The following AGAP1 variants were observed in gnomAD, a reference collection of about 807,000 sequenced individuals.
The protein encoded by AGAP1 is arf-GAP with GTPase, ANK repeat and PH domain-containing protein 1.
A neutral mutation model predicts 105.3 loss-of-function variants in AGAP1; 29 were observed. The observed-to-expected ratio is 0.28, with a 90% CI of 0.21 to 0.38. The LOEUF is 0.38. Ranked by LOEUF, AGAP1 falls within the 10% of genes least tolerant of loss-of-function variation. AGAP1 has a pLI of 1.00. For synonymous variants in AGAP1, 509 were observed against 485.9 expected, an observed-to-expected ratio of 1.05 and a Z score of -0.63; for missense variants, 998 against 1,165.1, an observed-to-expected ratio of 0.86 and a Z score of 2.09.
At position 235,882,898 on chromosome 2, in the gene AGAP1, A is replaced by C. The variant is rs1461026477; in HGVS notation, c.1051-447A>C. 6.6e-6 allele frequency among the ~76,000 whole-genome samples: 1 copy of C among 151,736 alleles called. No homozygotes were observed. The highest frequency in any genetic ancestry group is 2.4e-5 in the African/African-American group (1 of 41,302). ...TACAATCATAGCTCACTGCCACCTCAACCTCCTGGGCTCAAGAGATCCTCC... is the reference window on the plus strand; with the variant it reads ...TACAATCATAGCTCACTGCCACCTCCACCTCCTGGGCTCAAGAGATCCTCC... On this transcript the variant is annotated intron_variant, in intron 9 of 17. Coordinates refer to ENST00000304032, the MANE Select transcript of AGAP1 (RefSeq NM_001037131.3). This position sits in a 1 kb window ranked among gnomAD's most constrained non-coding sequence, Gnocchi z 4.6.
At chr2:235,541,717 T>C (rs959519011) in intron 1 of AGAP1, among the ~76,000 whole-genome samples, 4 of 152,160 alleles carry the variant, frequency 2.6e-5, no homozygotes, top group Non-Finnish European at 2.9e-5. Flanking sequence ...ACTTAACATA[T>C]TTGTATCTAT....
At chr2:235,828,621 AG>A (rs1185041589) in intron 9 of AGAP1, among the ~76,000 whole-genome samples, 1 of 152,190 alleles carries the variant, frequency 6.6e-6, no homozygotes, top group Non-Finnish European at 1.5e-5. Flanking sequence ...AGGGTAGTCC[AG>A]GGTAGAATTT....
intron 1 of AGAP1, among the ~76,000 whole-genome samples, chr2:235,629,836 C>T (rs1425826507): frequency 5.0e-5 from 7 of 139,866 alleles, no homozygotes; most frequent in Non-Finnish European, 1.1e-4. Flanking sequence ...TGCACTCCAG[C>T]CTGGGTGACT....
chr2:236,052,024 C>T (rs1175839481), intron 16 of AGAP1, among the ~76,000 whole-genome samples: 1 of 152,140 alleles, frequency 6.6e-6, no homozygotes, highest in Non-Finnish European at 1.5e-5. Context: ...TTCGAAGCCA[C>T]CCCCGCTCCC....
intron 6 of AGAP1, among the ~76,000 whole-genome samples, chr2:235,770,108 C>CAT (rs1438516514): frequency 1.4e-5 from 2 of 142,794 alleles, no homozygotes; most frequent in Non-Finnish European, 3.1e-5. Flanking sequence ...TATATATACA[C>CAT]ACACATTTTT....
intron 1 of AGAP1, among the ~76,000 whole-genome samples, chr2:235,521,744 G>GTATGTGTA (rs753985692): frequency 7.9e-6 from 1 of 126,864 alleles, no homozygotes; most frequent in East Asian, 2.0e-4. Context: ...TTATATATAT[G>GTATGTGTA]TGTGTGTGTG....
rs951927569 is a variant in AGAP1 at position 236,089,132 on chromosome 2, C to T, written c.2115-31060C>T. On this transcript the variant is annotated intron_variant, in intron 16 of 17. Coordinates refer to ENST00000304032, the MANE Select transcript of AGAP1 (RefSeq NM_001037131.3). The surrounding 1 kb of genome is among the most constrained non-coding windows in gnomAD (Gnocchi z 5.6). The stretch of plus-strand genomic sequence containing the variant: ...CAAAAGGAAAGGGTCCAAGTCAGAC[C>T]GCTCACGTGGGTGGCAGCGTCCAAG... Among the ~76,000 whole-genome samples, 5 of 152,168 alleles carry T rather than the reference C, an allele frequency of 3.3e-5. No homozygotes were observed. Among genetic ancestry groups the T allele is most frequent in the Non-Finnish European group, 5.9e-5 (4 of 68,040 alleles).
In AGAP1 at chr2:236,120,050, A is replaced by AG. The variant is rs2059862619; in HGVS notation, c.2115-137dup. On this transcript the variant is annotated intron_variant, in intron 16 of 17. Coordinates refer to ENST00000304032, the MANE Select transcript of AGAP1 (RefSeq NM_001037131.3). The surrounding 1 kb of genome is among the most constrained non-coding windows in gnomAD (Gnocchi z 6.0). The stretch of plus-strand genomic sequence containing the variant: ...GTGAAGGTGGATAAACGTTTCCCCC[A>AG]GGGGGCTTTGTGCCGAGTGAAGACC... 1.3e-5 allele frequency: 15 copies of AG among 1,198,224 alleles called. No homozygotes were observed. The South Asian group carries it at 2.0e-4, about 16-fold the overall frequency. 74.2% of individuals were successfully genotyped at this position (1,198,224 alleles called of 1,614,324 possible).
chr2:235,785,151 A>G (rs145881776), intron 6 of AGAP1, among the ~76,000 whole-genome samples: 6 of 152,322 alleles, frequency 3.9e-5, no homozygotes, highest in Admixed American at 3.9e-4. Context: ...TGTCTTTTTT[A>G]TGTAGATTGT....
intron 1 of AGAP1, among the ~76,000 whole-genome samples, chr2:235,580,519 T>C (rs1011502357): frequency 1.2e-4 from 19 of 152,080 alleles, no homozygotes; most frequent in African/African-American, 4.6e-4. Context: ...CTTCTAGAGG[T>C]AGAGTCGAGT....
intron 13 of AGAP1, among the ~76,000 whole-genome samples, chr2:236,010,401 G>A (rs988996416): frequency 6.6e-5 from 10 of 152,180 alleles, no homozygotes; most frequent in African/African-American, 1.7e-4. Flanking sequence ...GCCAGGCCTC[G>A]TTTGGTCATC....
At position 235,789,629 on chromosome 2, in the gene AGAP1, A is replaced by G. The variant is rs1249295356; in HGVS notation, c.674-8130A>G. Among the ~76,000 whole-genome samples, 5 of 152,214 alleles carry G rather than the reference A, an allele frequency of 3.3e-5. No individual in the cohort carries two copies. The East Asian group carries it at 7.7e-4, about 23-fold the overall frequency. On this transcript the variant is annotated intron_variant, in intron 6 of 17. Coordinates refer to ENST00000304032, the MANE Select transcript of AGAP1 (RefSeq NM_001037131.3). This position sits in a 1 kb window ranked among gnomAD's most constrained non-coding sequence, Gnocchi z 4.2. The stretch of plus-strand genomic sequence containing the variant: ...GATTAGAGGGTTGTTTGCTCAAAAA[A>G]AAAATACATATATATAGTCATATTT...
At chr2:235,884,739 C>T (rs888106814) in intron 10 of AGAP1, among the ~76,000 whole-genome samples, 1 of 152,146 alleles carries the variant, frequency 6.6e-6, no homozygotes, top group African/African-American at 2.4e-5. Flanking sequence ...CAGGTTTGAG[C>T]CACCGCGCCT....
At chr2:235,726,397 G>C (rs1483927853) in intron 3 of AGAP1, among the ~76,000 whole-genome samples, 1 of 152,188 alleles carries the variant, frequency 6.6e-6, no homozygotes. Context: ...TTCTTTAAGA[G>C]GAAAATGGAG....
rs982281057 is a variant in AGAP1, at chr2:235,866,073, G to A, written c.1051-17272G>A. On this transcript the variant is annotated intron_variant, in intron 9 of 17. Transcript: ENST00000304032. This position sits in a 1 kb window ranked among gnomAD's most constrained non-coding sequence, Gnocchi z 6.1. Reference sequence around the variant, plus strand: ...TTGATTTTTTTCTGCTAAACCCTACGTCTTGCAGTATATGGGTCACTCATC... The same window carrying A: ...TTGATTTTTTTCTGCTAAACCCTACATCTTGCAGTATATGGGTCACTCATC... 1.3e-5 allele frequency among the ~76,000 whole-genome samples: 2 copies of A among 152,230 alleles called. No individual in the cohort carries two copies. Among genetic ancestry groups the A allele is most frequent in the South Asian group, 2.1e-4 (1 of 4,822 alleles).
At chr2:235,558,466 GCC>G (rs1210140930) in intron 1 of AGAP1, among the ~76,000 whole-genome samples, 5 of 152,222 alleles carry the variant, frequency 3.3e-5, no homozygotes, top group African/African-American at 1.2e-4. Flanking sequence ...GACCTCTCAA[GCC>G]CTTGAAAATA....
At chr2:235,562,845 C>T (rs1944207092) in intron 1 of AGAP1, among the ~76,000 whole-genome samples, 1 of 151,946 alleles carries the variant, frequency 6.6e-6, no homozygotes, top group African/African-American at 2.4e-5. Context: ...TTGATTGAGC[C>T]CAGGAGGTTA....
intron 1 of AGAP1, among the ~76,000 whole-genome samples, chr2:235,565,988 T>G (rs1019878452): frequency 1.3e-5 from 2 of 152,224 alleles, no homozygotes; most frequent in Admixed American, 1.3e-4. Context: ...TACAGAAAAG[T>G]GGAAATAATT....
intron 9 of AGAP1, among the ~76,000 whole-genome samples, chr2:235,871,868 C>T (rs953304970): frequency 6.6e-5 from 10 of 152,174 alleles, no homozygotes; most frequent in Middle Eastern, 3.4e-3. Context: ...CTCGGGCAGC[C>T]CAGGGTCAGT....
Sources: allele counts gnomAD v4.1 joint callset (sites outside exome capture counted in the v4.1 genomes callset), GRCh38; gene constraint gnomAD v4.1.1; non-coding constraint Gnocchi (gnomAD v3.1); transcripts MANE v1.5; gene names NCBI Gene and HGNC (gene_info 2026-07-23, HGNC 2026-07-21).